CDH12: variants seen among roughly 807,000 people sequenced by gnomAD.
CDH12 encodes cadherin-12.
In CDH12, 41 loss-of-function variants were observed where a neutral mutation model predicts 74.1. That is an observed-to-expected ratio of 0.55 (90% CI 0.43 to 0.72). The LOEUF is 0.72. CDH12 is among the 30% of genes least tolerant of loss of function. The pLI is 0.00. For missense variants in CDH12, 945 were observed against 977.2 expected (o/e 0.97, Z 0.44); for synonymous variants, 399 against 355.0 (o/e 1.12, Z -1.39).
chr5:22,654,639 T>G (rs1561554845), intron 1 of CDH12, among the ~76,000 whole-genome samples: 1 of 127,062 alleles, frequency 7.9e-6, no homozygotes, highest in East Asian at 2.2e-4. Context: ...TTTTTTTTTG[T>G]TGTTGTTGTT....
At chr5:22,059,258 T>TCTATCTAA (rs1489989493) in intron 5 of CDH12, among the ~76,000 whole-genome samples, 2 of 112,150 alleles carry the variant, frequency 1.8e-5, no homozygotes, top group Admixed American at 8.8e-5. Flanking sequence ...TTGTACTCTA[T>TCTATCTAA]CTATCTATCT....
intron 6 of CDH12, among the ~76,000 whole-genome samples, chr5:21,924,464 T>C (rs905391815): frequency 6.6e-6 from 1 of 152,076 alleles, no homozygotes; most frequent in African/African-American, 2.4e-5. Flanking sequence ...TGCAGTGAAC[T>C]GAGATTGTGC....
At position 22,271,485 on chromosome 5, in the gene CDH12, T is replaced by C. The variant is rs1324396913; in HGVS notation, c.-332-58842A>G. On this transcript the variant is annotated intron_variant, in intron 3 of 14. Transcript: ENST00000382254. ...TCCACACTGCTGTTAATGTTGATAT[T>C]TTGACCTACTTCCAAAAAACACAAA... Among the ~76,000 whole-genome samples the C allele has an allele frequency of 2.0e-5, 3 of 152,222 alleles. No homozygotes were observed. In the South Asian group the frequency reaches 6.2e-4, roughly 32 times the overall value.
intron 13 of CDH12, among the ~76,000 whole-genome samples, chr5:21,757,287 T>G (rs1744454941): frequency 6.6e-6 from 1 of 152,158 alleles, no homozygotes; most frequent in South Asian, 2.1e-4. Flanking sequence ...GCGATTCTCC[T>G]GCCTCACCCT....
At chr5:22,510,326 T>C (rs1018981921) in intron 1 of CDH12, among the ~76,000 whole-genome samples, 6 of 152,166 alleles carry the variant, frequency 3.9e-5, no homozygotes, top group Non-Finnish European at 7.3e-5. Flanking sequence ...ATAGACTTTG[T>C]TGGAAACATA....
In CDH12 at chr5:22,614,608, A is replaced by G. The variant is rs559779571; in HGVS notation, c.-522-109244T>C. Among the ~76,000 whole-genome samples the G allele has an allele frequency of 3.9e-5, 6 of 152,246 alleles. No individual in the cohort carries two copies. In the South Asian group the frequency reaches 1.2e-3, roughly 32 times the overall value. ...TCAACGTGTTTCAAGTGTGAAGGAC[A>G]GCATTATGAAAAGGAGTTGACATAG... is the stretch of plus-strand genomic sequence containing the variant. On this transcript the variant is annotated intron_variant, in intron 1 of 14. Coordinates refer to ENST00000382254, the MANE Select transcript of CDH12 (RefSeq NM_004061.5).
intron 3 of CDH12, among the ~76,000 whole-genome samples, chr5:22,347,786 A>T (rs1415893724): frequency 6.6e-6 from 1 of 152,234 alleles, no homozygotes; most frequent in Non-Finnish European, 1.5e-5. Context: ...TAGTGCCAGT[A>T]GTATTACTGA....
At chr5:22,255,350 T>A (rs552436494) in intron 3 of CDH12, among the ~76,000 whole-genome samples, 3 of 151,738 alleles carry the variant, frequency 2.0e-5, no homozygotes, top group Admixed American at 6.6e-5. Context: ...AAAGTATTAT[T>A]TTTTACATAC....
chr5:22,104,318 C>G (rs1460286690), intron 4 of CDH12, among the ~76,000 whole-genome samples: 1 of 152,120 alleles, frequency 6.6e-6, no homozygotes, highest in African/African-American at 2.4e-5. Flanking sequence ...TTAGTATCAT[C>G]TGAAATGTTT....
At chr5:22,612,927 GGAA>G (rs1360146820) in intron 1 of CDH12, among the ~76,000 whole-genome samples, 1 of 152,058 alleles carries the variant, frequency 6.6e-6, no homozygotes, top group Non-Finnish European at 1.5e-5. Flanking sequence ...GGAATAACTT[GGAA>G]GAAGTGAAAT....
chr5:21,925,559 A>G (rs533759854), intron 6 of CDH12, among the ~76,000 whole-genome samples: 4 of 152,300 alleles, frequency 2.6e-5, no homozygotes, highest in African/African-American at 9.6e-5. Context: ...ATTAAAATAT[A>G]TTATGTTAAT....
chr5:22,159,916 C>T (rs762622205), intron 4 of CDH12, among the ~76,000 whole-genome samples: 3 of 152,066 alleles, frequency 2.0e-5, no homozygotes, highest in Middle Eastern at 3.4e-3. Context: ...TGTCTGTGTG[C>T]GTGTGTGCGT....
At chr5:22,804,641 G>T (rs1748694854) in intron 1 of CDH12, among the ~76,000 whole-genome samples, 2 of 152,128 alleles carry the variant, frequency 1.3e-5, no homozygotes, top group African/African-American at 4.8e-5. Flanking sequence ...TTGGATGAGG[G>T]CTACACACAT....
At chr5:22,346,779 T>G (rs1206174580) in intron 3 of CDH12, among the ~76,000 whole-genome samples, 1 of 152,130 alleles carries the variant, frequency 6.6e-6, no homozygotes, top group East Asian at 1.9e-4. Flanking sequence ...TACAACCTGC[T>G]GGGAAAGGTC....
chr5:21,975,052 T>G (rs750708184), intron 6 of CDH12, 39 bp downstream of exon 6: 9 of 1,311,516 alleles, frequency 6.9e-6, no homozygotes, highest in Non-Finnish European at 9.5e-6. Context: ...GTTGAAGAGG[T>G]CTCATTGTAT....
At chr5:21,792,202 T>C (rs1325116035) in intron 10 of CDH12, among the ~76,000 whole-genome samples, 1 of 151,928 alleles carries the variant, frequency 6.6e-6, no homozygotes, top group Admixed American at 6.6e-5. Context: ...CCTGCAACAA[T>C]ATGTCAATTG....
chr5:21,809,611 T>C (rs764831113), intron 9 of CDH12, among the ~76,000 whole-genome samples: 18 of 152,178 alleles, frequency 1.2e-4, no homozygotes, highest in Non-Finnish European at 2.4e-4. Context: ...TTTTTCTAAA[T>C]TATTTGCAAA....
intron 3 of CDH12, among the ~76,000 whole-genome samples, chr5:22,231,332 C>T (rs1307264800): frequency 6.6e-6 from 1 of 151,994 alleles, no homozygotes; most frequent in African/African-American, 2.4e-5. Context: ...TTATTAAGCA[C>T]AGATTACAGA....
chr5:21,856,568 G>A (rs1437228659), intron 6 of CDH12, among the ~76,000 whole-genome samples: 1 of 151,750 alleles, frequency 6.6e-6, no homozygotes, highest in Admixed American at 6.6e-5. Flanking sequence ...GCAATTTATA[G>A]TCGGGAAAAT....
Sources: gnomAD v4.1 joint callset for allele counts (sites outside exome capture counted in the v4.1 genomes callset) on GRCh38, gnomAD v4.1.1 for gene constraint, MANE v1.5 for transcripts, NCBI Gene and HGNC (gene_info 2026-07-23, HGNC 2026-07-21) for gene names.